The following CARS2 variants were observed in gnomAD, a reference collection of about 807,000 sequenced individuals.
CARS2 encodes the protein cysteinyl-tRNA synthetase 2, mitochondrial, also known as probable cysteine--tRNA ligase, mitochondrial.
A neutral mutation model predicts 68.8 loss-of-function variants in CARS2; 52 were observed. The ratio of observed to expected loss-of-function variants is 0.76; its 90% confidence interval spans 0.61 to 0.95. The LOEUF is 0.95. Among genes scored for constraint, CARS2 ranks in the 40% least tolerant of loss-of-function variants. CARS2 has a pLI of 0.00. For synonymous variants in CARS2, 314 were observed against 303.6 expected (o/e 1.03, Z -0.36); for missense variants, 780 against 754.2 (o/e 1.03, Z -0.40).
chr13:110,683,578 C>A (rs1449883500), intron 5 of CARS2, among the ~76,000 whole-genome samples: 1 of 152,212 alleles, frequency 6.6e-6, no homozygotes, highest in East Asian at 1.9e-4. Flanking sequence ...AAAGTGTTAT[C>A]ACTGACCTTC....
chr13:110,659,863 T>A (rs1481753711), intron 9 of CARS2, among the ~76,000 whole-genome samples: 5 of 152,230 alleles, frequency 3.3e-5, no homozygotes, highest in African/African-American at 1.2e-4. Flanking sequence ...ACTGTGGCAA[T>A]TTCTTAAAAC....
chr13:110,675,672 A>G (rs1225857694), intron 7 of CARS2, among the ~76,000 whole-genome samples: 2 of 152,128 alleles, frequency 1.3e-5, no homozygotes, highest in Admixed American at 6.6e-5. Flanking sequence ...AAACCTGCAC[A>G]TTGTGCACAT....
Position 110,651,110 on chromosome 13 carries a change from C to A in CARS2, c.988-10G>T. The A allele has an allele frequency of 1.9e-6, 3 of 1,609,308 alleles. No homozygotes were observed. The highest frequency in any genetic ancestry group is 2.6e-6 in the Non-Finnish European group (3 of 1,176,290). On this transcript the variant is annotated splice_polypyrimidine_tract_variant and intron_variant, in intron 9 of 14. Coordinates refer to ENST00000257347, the MANE Select transcript of CARS2 (RefSeq NM_024537.4). ...AGGTCTTCAGAAAGTCCTGGTAAAG[C>A]GAGAGACAGGCAGTCACGAGGCTTT...
At chr13:110,678,472 G>T (rs907661132) in intron 6 of CARS2, among the ~76,000 whole-genome samples, 4 of 152,180 alleles carry the variant, frequency 2.6e-5, no homozygotes, top group African/African-American at 7.2e-5. Context: ...CACCTTTGAT[G>T]AATTTAAAGA....
chr13:110,651,068 G>A lies in CARS2; in HGVS notation c.1020C>T (p.Phe340=), dbSNP rs749912792. ...AGCTGCTCCGCAGGCAGAAGAACCG[G>A]AAGACATCGGGGGAAAAGGTCTTCA... The part of the protein sequence containing the change: ...DFLKTFSPDV[F]RFFCLRSSYR... Residue 340 remains phenylalanine, a synonymous_variant, in exon 10 of 15, where the codon TTC becomes TTT. Transcript: ENST00000257347. 1.9e-6 allele frequency: 3 copies of A among 1,613,684 alleles called. No individual in the cohort carries two copies. Among genetic ancestry groups the A allele is most frequent in the Non-Finnish European group, 2.5e-6 (3 of 1,179,986 alleles).
At chr13:110,649,236 C>T (rs1159720727) in intron 10 of CARS2, 2 of 152,264 alleles carry the variant, frequency 1.3e-5, no homozygotes, top group African/African-American at 4.8e-5. Flanking sequence ...GAGCGCAGGT[C>T]CCCTGGGCCG....
At chr13:110,657,333 G>A (rs1182093224) in intron 9 of CARS2, among the ~76,000 whole-genome samples, 2 of 152,180 alleles carry the variant, frequency 1.3e-5, no homozygotes, top group African/African-American at 2.4e-5. Flanking sequence ...AATCAACATC[G>A]CAGTGCCCAA....
At chr13:110,677,249 G>A in intron 6 of CARS2, 146 bp from the exon 7 acceptor site, 2 of 355,158 alleles carry the variant, frequency 5.6e-6, no homozygotes, top group Non-Finnish European at 4.2e-6. Context: ...AACCCAGACA[G>A]TCACCCCCAC....
At chr13:110,662,890 A>C in intron 9 of CARS2, 1 of 394,454 alleles carries the variant, frequency 2.5e-6, no homozygotes, top group Non-Finnish European at 5.0e-6. Flanking sequence ...ATCTGGCTTT[A>C]AAGACAGGCC....
intron 3 of CARS2, among the ~76,000 whole-genome samples, chr13:110,698,248 G>A (rs1017214310): frequency 3.3e-5 from 5 of 152,048 alleles, no homozygotes; most frequent in Non-Finnish European, 7.4e-5. Flanking sequence ...GGCCAGGCGT[G>A]GTGGCTCACA....
Position 110,665,605 on chromosome 13 carries a change from C to T in CARS2, c.919+1735G>A. 2.0e-6 allele frequency: 2 copies of T among 985,430 alleles called. No homozygotes were observed. The highest frequency in any genetic ancestry group is 2.4e-6 in the Non-Finnish European group (2 of 829,978). The allele number at this position is 985,430 out of a possible 1,614,324, so 61.0% of individuals were successfully genotyped here. Reference sequence around the variant, plus strand: ...TCCACACTCGCAGAAGGGCTCACAGCAGGTCATGGTTGTCAGTAACAAACC... The same window carrying T: ...TCCACACTCGCAGAAGGGCTCACAGTAGGTCATGGTTGTCAGTAACAAACC... On this transcript the variant is annotated intron_variant, in intron 8 of 14. Coordinates refer to ENST00000257347, the MANE Select transcript of CARS2 (RefSeq NM_024537.4). The surrounding 1 kb of genome is among the most constrained non-coding windows in gnomAD (Gnocchi z 4.3).
At chr13:110,649,020 A>C (rs1594230747) in intron 10 of CARS2, 1 of 152,340 alleles carries the variant, frequency 6.6e-6, no homozygotes, top group Admixed American at 6.5e-5. Context: ...CGCACACGGG[A>C]TTCATCTCCG....
At position 110,668,695 on chromosome 13, in the gene CARS2, C is replaced by T. The variant is rs1307285457; in HGVS notation, c.786-1222G>A. Among the ~76,000 whole-genome samples, 1 of 152,144 alleles carries T rather than the reference C, an allele frequency of 6.6e-6. No individual in the cohort carries two copies. ...TTTGTATTTGGATGGGCAATTCTCC[C>T]TTCCGAAGATCTGAAGCCAACACAA... On this transcript the variant is annotated intron_variant, in intron 7 of 14. Transcript: ENST00000257347. The surrounding 1 kb of genome is among the most constrained non-coding windows in gnomAD (Gnocchi z 4.1).
chr13:110,694,363 C>T (rs1367912080), intron 3 of CARS2, among the ~76,000 whole-genome samples: 1 of 149,414 alleles, frequency 6.7e-6, no homozygotes, highest in Admixed American at 6.7e-5. Flanking sequence ...ACTGGCTGGC[C>T]GTGGTAGCTC....
chr13:110,678,270 C>T (rs9588237), intron 6 of CARS2, among the ~76,000 whole-genome samples: 5,641 of 152,242 alleles, frequency 0.037, 337 homozygotes, highest in African/African-American at 0.12. Flanking sequence ...GTGAAAGGCG[C>T]GTGATCGTGT....
chr13:110,694,390 C>T (rs2063560996), intron 3 of CARS2, among the ~76,000 whole-genome samples: 1 of 151,768 alleles, frequency 6.6e-6, no homozygotes, highest in Non-Finnish European at 1.5e-5. Context: ...GTAATCCCAG[C>T]ACTTGGGAGG....
At chr13:110,698,009 A>G in intron 3 of CARS2, 1 of 454,988 alleles carries the variant, frequency 2.2e-6, no homozygotes, top group Admixed American at 2.4e-5. Context: ...AACAAATGAC[A>G]AAGTTCAGCC....
At chr13:110,712,681 C>A (rs1421153325) in intron 1 of CARS2, 1 of 662,840 alleles carries the variant, frequency 1.5e-6, no homozygotes, top group Non-Finnish European at 2.8e-6. Flanking sequence ...CCTCAGGACG[C>A]CGGCCGACCG....
chr13:110,646,905 G>C, intron 11 of CARS2, 196 bp downstream of exon 11: 4 of 586,066 alleles, frequency 6.8e-6, no homozygotes, highest in South Asian at 2.8e-5. Context: ...GTGGCCTCTG[G>C]GGAGCCCCTG....
Sources: gnomAD v4.1 joint callset for allele counts (sites outside exome capture counted in the v4.1 genomes callset) on GRCh38, gnomAD v4.1.1 for gene constraint, Gnocchi (gnomAD v3.1) non-coding constraint, MANE v1.5 for transcripts, NCBI Gene and HGNC (gene_info 2026-07-23, HGNC 2026-07-21) for gene names.